The following TTC6 variants were observed in gnomAD, a reference collection of about 807,000 sequenced individuals.
TTC6 encodes tetratricopeptide repeat domain 6.
A neutral mutation model predicts 210.4 loss-of-function variants in TTC6; 172 were observed. The ratio of observed to expected loss-of-function variants is 0.82; its 90% CI spans 0.72 to 0.93. The LOEUF (loss-of-function observed/expected upper bound fraction) is 0.93, where lower values mean the gene tolerates loss of function less well. TTC6 is among the 40% of genes least tolerant of loss of function. The pLI, the probability that TTC6 is intolerant of heterozygous loss-of-function variation, is 0.00. For missense variants in TTC6, 2,414 were observed against 2,318.1 expected (o/e 1.04, Z -0.85); for synonymous variants, 804 against 819.6 (o/e 0.98, Z 0.32).
intron 1 of TTC6, among the ~76,000 whole-genome samples, chr14:37,596,657 TTC>T (rs2095605268): frequency 6.6e-6 from 1 of 152,218 alleles, no homozygotes; most frequent in Admixed American, 6.5e-5. Context: ...CTGTGTGTGT[TTC>T]TGAGTGTCTG....
intron 27 of TTC6, among the ~76,000 whole-genome samples, chr14:37,825,101 A>G (rs765844579): frequency 2.0e-5 from 3 of 152,214 alleles, no homozygotes; most frequent in East Asian, 1.9e-4. Context: ...AGTTCTGTCC[A>G]GGGAAAGAGC....
At chr14:37,615,500 A>G (rs977636380) in intron 2 of TTC6, among the ~76,000 whole-genome samples, 3 of 151,920 alleles carry the variant, frequency 2.0e-5, no homozygotes, top group East Asian at 3.9e-4. Flanking sequence ...ATAATGGATA[A>G]TTTCTGTGCA....
intron 3 of TTC6, among the ~76,000 whole-genome samples, chr14:37,693,977 CAAAAACAA>C (rs1222190768): frequency 1.0e-5 from 1 of 97,762 alleles, no homozygotes; most frequent in African/African-American, 4.8e-5. Flanking sequence ...AAAACTACCA[CAAAAACAA>C]ACAAACAAAC....
chr14:37,651,387 TTATATATATATATATATA>T (rs1199665217), intron 1 of TTC6, among the ~76,000 whole-genome samples: 10 of 30,910 alleles, frequency 3.2e-4, no homozygotes, highest in Non-Finnish European at 4.2e-4. Context: ...ACTGTTTATG[TTATATATATATATATATA>T]TATATATATA....
chr14:37,640,612 G>A (rs2095690082), intron 1 of TTC6, among the ~76,000 whole-genome samples: 1 of 151,970 alleles, frequency 6.6e-6, no homozygotes, highest in Non-Finnish European at 1.5e-5. Flanking sequence ...TCACGATCTC[G>A]GCTCACTGCA....
At chr14:37,832,499 T>C (rs998535577) in intron 29 of TTC6, among the ~76,000 whole-genome samples, 1 of 152,074 alleles carries the variant, frequency 6.6e-6, no homozygotes, top group African/African-American at 2.4e-5. Context: ...TCATAGGTTT[T>C]GGTATGTTGT....
chr14:37,668,792 T>G (rs1375949513), intron 1 of TTC6, among the ~76,000 whole-genome samples: 1 of 152,156 alleles, frequency 6.6e-6, no homozygotes, highest in African/African-American at 2.4e-5. Flanking sequence ...CCACTGAATT[T>G]TAAAATTTCC....
chr14:37,812,044 G>A (rs192065817), intron 24 of TTC6, among the ~76,000 whole-genome samples: 11 of 152,236 alleles, frequency 7.2e-5, no homozygotes, highest in East Asian at 1.9e-4. Flanking sequence ...CTTCCAGCCC[G>A]TACACCAGTG....
intron 1 of TTC6, among the ~76,000 whole-genome samples, chr14:37,632,443 G>A (rs1271224598): frequency 6.6e-6 from 1 of 152,214 alleles, no homozygotes; most frequent in Non-Finnish European, 1.5e-5. Flanking sequence ...TATCACCAGT[G>A]GAGGCTGCAG....
At chr14:37,743,696 A>T (rs2095927758) in intron 10 of TTC6, among the ~76,000 whole-genome samples, 1 of 152,204 alleles carries the variant, frequency 6.6e-6, no homozygotes, top group Admixed American at 6.5e-5. Context: ...TTCAGGAGTT[A>T]GTCTGGGATA....
chr14:37,743,367 T>G (rs1056437196), intron 10 of TTC6, among the ~76,000 whole-genome samples: 10 of 152,356 alleles, frequency 6.6e-5, no homozygotes, highest in African/African-American at 2.4e-4. Context: ...CCTTTCCTTT[T>G]TACATCCTTC....
intron 25 of TTC6, 81 bp from the exon 28 acceptor site, chr14:37,817,497 G>A: frequency 8.4e-7 from 1 of 1,196,732 alleles, no homozygotes; most frequent in East Asian, 2.3e-5. Context: ...GTGTCATTGT[G>A]GAATCACAGT....
intron 27 of TTC6, among the ~76,000 whole-genome samples, chr14:37,825,584 C>T (rs897760974): frequency 3.3e-5 from 5 of 152,060 alleles, no homozygotes; most frequent in Non-Finnish European, 5.9e-5. Flanking sequence ...ACTCTGACAT[C>T]GTTCTGTTAA....
intron 7 of TTC6, among the ~76,000 whole-genome samples, chr14:37,729,745 G>A (rs1261367316): frequency 6.6e-6 from 1 of 151,968 alleles, no homozygotes; most frequent in Non-Finnish European, 1.5e-5. Flanking sequence ...TATACTGTTG[G>A]CGTCTACTTC....
At chr14:37,648,144 A>G (rs1462696042) in intron 1 of TTC6, among the ~76,000 whole-genome samples, 1 of 152,120 alleles carries the variant, frequency 6.6e-6, no homozygotes, top group Non-Finnish European at 1.5e-5. Flanking sequence ...AACTTGTGGA[A>G]TTTCTTGTTT....
chr14:37,606,932 T>C (rs2095626262), intron 2 of TTC6, among the ~76,000 whole-genome samples, 190 bp downstream of exon 2: 1 of 152,210 alleles, frequency 6.6e-6, no homozygotes, highest in African/African-American at 2.4e-5. Context: ...TGCATTACAT[T>C]TGCCATTTTA....
At chr14:37,699,183 AT>A (rs2095820206) in intron 4 of TTC6, among the ~76,000 whole-genome samples, 1 of 152,214 alleles carries the variant, frequency 6.6e-6, no homozygotes, top group African/African-American at 2.4e-5. Flanking sequence ...TGTTTGAAGA[AT>A]ATTTAGACAT....
intron 25 of TTC6, among the ~76,000 whole-genome samples, chr14:37,814,686 C>A (rs1355411345): frequency 8.5e-5 from 13 of 152,094 alleles, no homozygotes; most frequent in African/African-American, 2.9e-4. Flanking sequence ...CAACAAAAAG[C>A]TGGAAAAGAT....
intron 4 of TTC6, among the ~76,000 whole-genome samples, chr14:37,699,924 C>T (rs1021316388): frequency 2.0e-5 from 3 of 152,072 alleles, no homozygotes; most frequent in Non-Finnish European, 4.4e-5. Flanking sequence ...AAGCCACACC[C>T]AGTTTGGAAA....
Sources: gnomAD v4.1 joint callset for allele counts (sites outside exome capture counted in the v4.1 genomes callset) on GRCh38, gnomAD v4.1.1 for gene constraint, MANE v1.5 for transcripts, NCBI Gene and HGNC (gene_info 2026-07-23, HGNC 2026-07-21) for gene names.